EP300: variants seen among roughly 807,000 people sequenced by gnomAD.
EP300 encodes EP300 lysine acetyltransferase, also known as histone acetyltransferase p300.
EP300 carries 31 observed loss-of-function variants against 264.0 expected under a neutral mutation model. The ratio of observed to expected loss-of-function variants is 0.12; its 90% CI spans 0.09 to 0.16. The LOEUF (loss-of-function observed/expected upper bound fraction) is 0.16. EP300 is among the 10% of genes least tolerant of loss of function. The probability of loss-of-function intolerance (pLI) is 1.00; values close to 1 mark genes in which losing one functional copy is unlikely to be tolerated. For synonymous variants in EP300, 1,340 were observed against 1,045.4 expected, an observed-to-expected ratio of 1.28 and a Z score of -5.44; for missense variants, 2,766 against 3,052.9, an observed-to-expected ratio of 0.91 and a Z score of 2.21.
At chr22:41,173,395 C>T (rs888756961) in intron 28 of EP300, among the ~76,000 whole-genome samples, 1 of 152,208 alleles carries the variant, frequency 6.6e-6, no homozygotes, top group African/African-American at 2.4e-5. Flanking sequence ...TCTGTGGCCT[C>T]TTCTAGGCAA....
chr22:41,167,594 A>G (rs1340592324), intron 23 of EP300, among the ~76,000 whole-genome samples: 710 of 11,222 alleles, frequency 0.063, 2 homozygotes, highest in Non-Finnish European at 0.079. Context: ...GTATATATAT[A>G]TATATATATA....
At chr22:41,130,699 A>G (rs1426698346) in intron 5 of EP300, among the ~76,000 whole-genome samples, 2 of 152,188 alleles carry the variant, frequency 1.3e-5, no homozygotes, top group African/African-American at 2.4e-5. Flanking sequence ...GCATTGGGCA[A>G]GTTATTCTTT....
In EP300 at chr22:41,177,583, C is replaced by T. The variant is rs1374385672; in HGVS notation, c.5872C>T (p.Pro1958Ser). The T allele has an allele frequency of 3.7e-6, 6 of 1,614,174 alleles. No individual in the cohort carries two copies. The highest frequency in any genetic ancestry group is 5.1e-6 in the Non-Finnish European group (6 of 1,180,030). ...FQRPIQHQMP[P>S]MTPMAPMGMN... ...AAGGCCAATCCAACACCAGATGCCC[C>T]CGATGACTCCCATGGCCCCCATGGG... The change falls in exon 31 of 31, where the codon CCG becomes TCG. Residue 1958 changes from proline (P) to serine (S), a missense_variant. Transcript: ENST00000263253.
intron 30 of EP300, 56 bp from the exon 31 acceptor site, chr22:41,176,717 C>A (rs2059202683): frequency 6.2e-7 from 1 of 1,613,232 alleles, no homozygotes; most frequent in African/African-American, 1.3e-5. Flanking sequence ...ATCTAAAATA[C>A]TTTTGAATGA....
At position 41,119,554 on chromosome 22, in the gene EP300, T is replaced by C. The variant is rs753792747; in HGVS notation, c.729+1733T>C. On this transcript the variant is annotated intron_variant, in intron 2 of 30. Coordinates refer to ENST00000263253, the MANE Select transcript of EP300 (RefSeq NM_001429.4). ...AGGGTTAAAGTAGTGAATGAACTTATTTTATGTAACCTACTTTCTACTGTG... is the reference window on the plus strand; with the variant it reads ...AGGGTTAAAGTAGTGAATGAACTTACTTTATGTAACCTACTTTCTACTGTG... 1.2e-4 allele frequency among the ~76,000 whole-genome samples: 19 copies of C among 152,148 alleles called. 1 individual carries two copies. The highest frequency in any genetic ancestry group is 9.8e-4 in the Admixed American group (15 of 15,258).
intron 14 of EP300, among the ~76,000 whole-genome samples, chr22:41,150,493 CCTT>C (rs1252195303): frequency 6.6e-6 from 1 of 152,286 alleles, no homozygotes; most frequent in East Asian, 1.9e-4. Context: ...CAATCCTTCT[CCTT>C]ATTTAGTATA....
Position 41,178,814 on chromosome 22 carries a change from A to C in EP300, c.7103A>C (p.Asp2368Ala). ...PMEQGHFASP[D>A]QNSMLSQLAS... ...GAACAAGGGCATTTTGCCAGCCCGG[A>C]CCAGAATTCAATGCTTTCTCAGCTT... Residue 2368 changes from aspartate (D) to alanine (A), a missense_variant, in exon 31 of 31, where the codon GAC becomes GCC. Transcript: ENST00000263253. 2 of 1,614,148 alleles carry C rather than the reference A, an allele frequency of 1.2e-6. No homozygotes were observed. The highest frequency in any genetic ancestry group is 1.7e-6 in the Non-Finnish European group (2 of 1,180,034).
rs2058827671 is a variant in EP300 at position 41,117,457 on chromosome 22, T to A, written c.365T>A (p.Val122Asp). The stretch of plus-strand genomic sequence containing the variant: ...GGATTAGGTTTGATAAATAGCATGG[T>A]CAAAAGCCCAATGACACAGGCAGGC... ...SPGLGLINSM[V>D]KSPMTQAGLT... The change falls in exon 2 of 31, where the codon GTC (valine) becomes GAC (aspartate). Residue 122 changes from valine to aspartate, a missense_variant. Val to Asp is a radical substitution (Grantham distance 152, BLOSUM62 -3). Transcript: ENST00000263253. The A allele has an allele frequency of 6.2e-7, 1 of 1,613,858 alleles. No homozygotes were observed. Among genetic ancestry groups the A allele is most frequent in the Non-Finnish European group, 8.5e-7 (1 of 1,179,878 alleles).
intron 16 of EP300, 74 bp downstream of exon 16, chr22:41,152,424 C>T (rs2145741423): frequency 6.5e-7 from 1 of 1,536,002 alleles, no homozygotes; most frequent in Non-Finnish European, 8.8e-7. Context: ...GCGGTCATGC[C>T]TCTTGGGCCT....
chr22:41,131,543 A>C lies in EP300; in HGVS notation c.1438A>C (p.Met480Leu). The C allele has an allele frequency of 6.2e-7, 1 of 1,614,068 alleles. No homozygotes were observed. Among genetic ancestry groups the C allele is most frequent in the Non-Finnish European group, 8.5e-7 (1 of 1,180,024 alleles). ...TGGACTACCCTATCAAGTAAATCAG[A>C]TGCCGACACAACCCCAGGTGCAAGC... ...ALGLPYQVNQ[M>L]PTQPQVQAKN... The change falls in exon 6 of 31, where the codon ATG becomes CTG. Residue 480 changes from methionine to leucine, a missense_variant. Met to Leu is a conservative substitution (Grantham distance 15). Coordinates refer to ENST00000263253, the MANE Select transcript of EP300 (RefSeq NM_001429.4).
At chr22:41,124,923 T>G (rs2058872146) in intron 2 of EP300, among the ~76,000 whole-genome samples, 1 of 152,088 alleles carries the variant, frequency 6.6e-6, no homozygotes. Flanking sequence ...TAGCATACTT[T>G]GTATAGTGGG....
chr22:41,095,881 T>A (rs1342998419), intron 1 of EP300, among the ~76,000 whole-genome samples: 2 of 152,154 alleles, frequency 1.3e-5, no homozygotes, highest in Non-Finnish European at 2.9e-5. Context: ...GATGACATGC[T>A]AAAGTGTTAC....
chr22:41,157,760 G>A (rs2059085615), intron 18 of EP300, among the ~76,000 whole-genome samples: 1 of 151,984 alleles, frequency 6.6e-6, no homozygotes, highest in African/African-American at 2.4e-5. Flanking sequence ...GGCTCAAGCA[G>A]TCCTCCTGCC....
At chr22:41,171,200 G>C (rs1936773119) in intron 27 of EP300, among the ~76,000 whole-genome samples, 1 of 151,432 alleles carries the variant, frequency 6.6e-6, no homozygotes, top group South Asian at 2.1e-4. Context: ...ATGCTGCCCA[G>C]GCTGGACTTG....
chr22:41,157,647 AGC>A (rs2059084867), intron 18 of EP300, among the ~76,000 whole-genome samples: 1 of 150,736 alleles, frequency 6.6e-6, no homozygotes, highest in East Asian at 2.0e-4. Context: ...CCTCCTGAGC[AGC>A]TGGGACTACA....
At chr22:41,173,531 T>C in intron 28 of EP300, 92 bp from the exon 29 acceptor site, 1 of 1,276,092 alleles carries the variant, frequency 7.8e-7, no homozygotes, top group Non-Finnish European at 1.1e-6. Flanking sequence ...AAGATTATGA[T>C]ATCTAGTTTC....
chr22:41,106,820 C>T (rs1339636935), intron 1 of EP300, among the ~76,000 whole-genome samples: 7 of 152,070 alleles, frequency 4.6e-5, no homozygotes, highest in Non-Finnish European at 1.0e-4. Context: ...TTGTCTAAAA[C>T]TCCTGGGCTC....
chr22:41,107,449 G>T (rs1472564304), intron 1 of EP300, among the ~76,000 whole-genome samples: 1 of 151,342 alleles, frequency 6.6e-6, no homozygotes, highest in Non-Finnish European at 1.5e-5. Context: ...GTAACTGTGA[G>T]AGATACTAAT....
At chr22:41,144,411 G>C (rs1423225999) in intron 10 of EP300, among the ~76,000 whole-genome samples, 1 of 151,558 alleles carries the variant, frequency 6.6e-6, no homozygotes, top group South Asian at 2.1e-4. Flanking sequence ...GAGTGCAGTG[G>C]TGTGATCTCG....
Sources: gnomAD v4.1 joint callset for allele counts (sites outside exome capture counted in the v4.1 genomes callset) on GRCh38, gnomAD v4.1.1 for gene constraint, MANE v1.5 for transcripts, NCBI Gene and HGNC (gene_info 2026-07-23, HGNC 2026-07-21) for gene names.